Variants in TTC28 observed in about 807,000 individuals in gnomAD.
TTC28 encodes tetratricopeptide repeat protein 28.
Under a neutral mutation model 198.0 loss-of-function variants are expected in TTC28, and 61 were observed. The ratio of observed to expected loss-of-function variants is 0.31; its 90% confidence interval spans 0.25 to 0.38. TTC28 has a LOEUF of 0.38. Among genes scored for constraint, TTC28 ranks in the 10% least tolerant of loss-of-function variants. The probability of loss-of-function intolerance (pLI) is 1.00; values close to 1 mark genes in which losing one functional copy is unlikely to be tolerated. For synonymous variants in TTC28, 1,171 were observed against 1,297.8 expected (o/e 0.90, Z 2.10); for missense variants, 2,678 against 3,164.0 (o/e 0.85, Z 3.69).
At position 27,982,666 on chromosome 22, in the gene TTC28, G is replaced by C; in HGVS notation, c.7001C>G (p.Ser2334Ter). 1 of 1,551,730 alleles carries C rather than the reference G, an allele frequency of 6.4e-7. No homozygotes were observed. Among genetic ancestry groups the C allele is most frequent in the Non-Finnish European group, 8.7e-7 (1 of 1,147,006 alleles). The change falls in exon 23 of 23, where the codon TCA (serine) becomes TGA (stop). Residue 2334 changes from serine (S) to a stop codon, truncating the protein, a stop_gained. Transcript: ENST00000397906. LOFTEE classifies it low-confidence loss of function (END_TRUNC). The surrounding 1 kb of genome is among the most constrained non-coding windows in gnomAD (Gnocchi z 5.2). ...TATGTCGGGAGCGTCTGCTGGACTT[G>C]AGCGAGCAGATCCAGCTGAGGAGTA... ...LSYSSAGSAR[S>*]SPADAPDIDK...
intron 2 of TTC28, among the ~76,000 whole-genome samples, chr22:28,454,457 C>T (rs1374547077): frequency 6.6e-6 from 1 of 152,134 alleles, no homozygotes; most frequent in Non-Finnish European, 1.5e-5. Flanking sequence ...CCTGTAAATA[C>T]CTTCATTCTT....
chr22:28,250,770 C>T (rs190092626), intron 5 of TTC28, among the ~76,000 whole-genome samples: 1 of 152,220 alleles, frequency 6.6e-6, no homozygotes, highest in Non-Finnish European at 1.5e-5. Context: ...TGGTTGAATC[C>T]ACAGATGCAG....
At chr22:28,663,260 AAAAG>A (rs929596277) in intron 1 of TTC28, among the ~76,000 whole-genome samples, 53 of 151,860 alleles carry the variant, frequency 3.5e-4, no homozygotes, top group Middle Eastern at 3.4e-3. Flanking sequence ...AAAAAAAAAA[AAAAG>A]AAAGAAAGAA....
chr22:28,001,619 C>T, intron 14 of TTC28, 66 bp from the exon 15 acceptor site: 1 of 1,505,388 alleles, frequency 6.6e-7, no homozygotes. Flanking sequence ...GGCACCAGGA[C>T]AACCCTGAGC....
At chr22:28,013,989 G>A (rs1270787376) in intron 14 of TTC28, among the ~76,000 whole-genome samples, 3 of 152,172 alleles carry the variant, frequency 2.0e-5, no homozygotes, top group Non-Finnish European at 4.4e-5. Context: ...GGCTTGTAGG[G>A]AGCAGAGCTA....
intron 2 of TTC28, among the ~76,000 whole-genome samples, chr22:28,380,061 A>C (rs1315632792): frequency 6.6e-6 from 1 of 150,944 alleles, no homozygotes; most frequent in East Asian, 1.9e-4. Context: ...AAACGTTAAC[A>C]TTAAAGAAAG....
At chr22:28,580,210 A>T (rs1438720030) in intron 2 of TTC28, among the ~76,000 whole-genome samples, 1 of 152,092 alleles carries the variant, frequency 6.6e-6, no homozygotes, top group Non-Finnish European at 1.5e-5. Context: ...GGATAACTGC[A>T]CCTTCCTAAT....
At chr22:28,636,522 T>C (rs1457904539) in intron 1 of TTC28, among the ~76,000 whole-genome samples, 1 of 152,334 alleles carries the variant, frequency 6.6e-6, no homozygotes, top group Middle Eastern at 3.4e-3. Flanking sequence ...TGAATAATGC[T>C]GTATACATGG....
At chr22:28,373,996 A>G (rs1013196351) in intron 2 of TTC28, among the ~76,000 whole-genome samples, 3 of 152,146 alleles carry the variant, frequency 2.0e-5, no homozygotes, top group Non-Finnish European at 4.4e-5. Context: ...TACTGCTTTG[A>G]TCAGATTTAG....
At chr22:28,607,096 G>C (rs1402535513) in intron 2 of TTC28, among the ~76,000 whole-genome samples, 3 of 152,064 alleles carry the variant, frequency 2.0e-5, no homozygotes, top group African/African-American at 7.2e-5. Flanking sequence ...AGCCCAAACA[G>C]GCCTTGATAA....
chr22:28,639,116 G>A (rs1182463371), intron 1 of TTC28, among the ~76,000 whole-genome samples: 1 of 152,114 alleles, frequency 6.6e-6, no homozygotes, highest in Non-Finnish European at 1.5e-5. Context: ...TTAATACAAG[G>A]ATAGTCATAA....
intron 2 of TTC28, among the ~76,000 whole-genome samples, chr22:28,543,444 A>AGAG (rs911730434): frequency 4.0e-5 from 6 of 150,758 alleles, no homozygotes; most frequent in African/African-American, 1.5e-4. Context: ...AAGAGGAGGA[A>AGAG]GAGGAGGAGG....
chr22:28,481,348 G>A (rs34970554), intron 2 of TTC28, among the ~76,000 whole-genome samples: 7,571 of 152,068 alleles, frequency 0.05, 262 homozygotes, highest in African/African-American at 0.094. Flanking sequence ...CCTATAATAC[G>A]GAAACCATTG....
intron 2 of TTC28, among the ~76,000 whole-genome samples, chr22:28,311,539 T>C (rs1301737474): frequency 6.6e-6 from 1 of 152,146 alleles, no homozygotes; most frequent in African/African-American, 2.4e-5. Flanking sequence ...AGGTACACAG[T>C]AGGTATATAT....
intron 13 of TTC28, among the ~76,000 whole-genome samples, chr22:28,018,888 C>T (rs541645826): frequency 6.6e-6 from 1 of 152,340 alleles, no homozygotes; most frequent in East Asian, 1.9e-4. Flanking sequence ...GGTTTCCTTG[C>T]CTCCACCATC....
intron 2 of TTC28, among the ~76,000 whole-genome samples, chr22:28,446,084 C>T (rs2047696310): frequency 6.6e-6 from 1 of 152,124 alleles, no homozygotes; most frequent in Admixed American, 6.5e-5. Context: ...AGGAGGCAGA[C>T]ATACTTAAGA....
intron 5 of TTC28, among the ~76,000 whole-genome samples, chr22:28,176,019 A>G (rs1453900851): frequency 6.6e-6 from 1 of 152,230 alleles, no homozygotes; most frequent in Non-Finnish European, 1.5e-5. Flanking sequence ...TCAAGAAACG[A>G]AAAATAGAAC....
intron 2 of TTC28, among the ~76,000 whole-genome samples, chr22:28,426,306 C>G (rs1465254520): frequency 1.3e-5 from 2 of 150,074 alleles, no homozygotes; most frequent in African/African-American, 4.9e-5. Context: ...GGGTGGAAAA[C>G]AACAACAAAA....
chr22:28,094,021 C>T, intron 12 of TTC28, 59 bp downstream of exon 12: 1 of 1,456,300 alleles, frequency 6.9e-7, no homozygotes, highest in Non-Finnish European at 9.1e-7. Flanking sequence ...AGGATGTTTA[C>T]AAAAAATAAT....
Sources: gnomAD v4.1 joint callset for allele counts (sites outside exome capture counted in the v4.1 genomes callset) on GRCh38, gnomAD v4.1.1 for gene constraint, Gnocchi (gnomAD v3.1) non-coding constraint, MANE v1.5 for transcripts, NCBI Gene and HGNC (gene_info 2026-07-23, HGNC 2026-07-21) for gene names.